The following GALNTL6 variants were observed in gnomAD, a reference collection of about 807,000 sequenced individuals.
The protein encoded by GALNTL6 is polypeptide N-acetylgalactosaminyltransferase like 6, also known as polypeptide N-acetylgalactosaminyltransferase-like 6.
In GALNTL6, 46 loss-of-function variants were observed where a neutral mutation model predicts 73.7. The ratio of observed to expected loss-of-function variants is 0.62; its 90% CI spans 0.49 to 0.80. The LOEUF is 0.80. Ranked by LOEUF, GALNTL6 falls within the 30% of genes least tolerant of loss-of-function variation. GALNTL6 has a pLI of 0.00. For synonymous variants in GALNTL6, 259 were observed against 263.7 expected (o/e 0.98, Z 0.17); for missense variants, 604 against 755.0 (o/e 0.80, Z 2.34).
At chr4:172,132,800 C>A (rs964156433) in intron 2 of GALNTL6, among the ~76,000 whole-genome samples, 5 of 152,116 alleles carry the variant, frequency 3.3e-5, no homozygotes, top group African/African-American at 1.2e-4. Flanking sequence ...AGAAAAAAAT[C>A]TTACTCTTAT....
At chr4:172,392,532 C>G (rs533472467) in intron 5 of GALNTL6, among the ~76,000 whole-genome samples, 1 of 151,284 alleles carries the variant, frequency 6.6e-6, no homozygotes, top group South Asian at 2.1e-4. Context: ...CTCGGTCTCC[C>G]AAAGTACTGG....
At chr4:172,394,644 C>T (rs1249885275) in intron 5 of GALNTL6, among the ~76,000 whole-genome samples, 1 of 151,920 alleles carries the variant, frequency 6.6e-6, no homozygotes, top group Non-Finnish European at 1.5e-5. Flanking sequence ...GTTGGCCAGG[C>T]TGGTCTCGAA....
intron 2 of GALNTL6, among the ~76,000 whole-genome samples, chr4:171,880,985 C>T (rs1736430683): frequency 6.6e-6 from 1 of 151,994 alleles, no homozygotes; most frequent in Admixed American, 6.6e-5. Context: ...TGTGAACAAG[C>T]CAAAGCAGTT....
At chr4:172,401,341 A>AT (rs1030529450) in intron 5 of GALNTL6, among the ~76,000 whole-genome samples, 1 of 152,134 alleles carries the variant, frequency 6.6e-6, no homozygotes, top group African/African-American at 2.4e-5. Flanking sequence ...TATTAATATC[A>AT]TTTTTTAAAA....
chr4:172,584,893 T>G (rs1431263127), intron 5 of GALNTL6, among the ~76,000 whole-genome samples: 1 of 152,170 alleles, frequency 6.6e-6, no homozygotes, highest in Non-Finnish European at 1.5e-5. Context: ...ATGAAAGGGC[T>G]GTAGAGTGAA....
At chr4:172,515,441 A>T (rs931775402) in intron 5 of GALNTL6, among the ~76,000 whole-genome samples, 1 of 152,032 alleles carries the variant, frequency 6.6e-6, no homozygotes, top group African/African-American at 2.4e-5. Flanking sequence ...TGGTCTTGAG[A>T]TTTACACAGT....
At chr4:172,885,906 C>A (rs1282887145) in intron 8 of GALNTL6, among the ~76,000 whole-genome samples, 1 of 152,028 alleles carries the variant, frequency 6.6e-6, no homozygotes, top group Non-Finnish European at 1.5e-5. Flanking sequence ...GGGATGAAGC[C>A]CACTTGATTA....
chr4:172,953,608 C>T (rs1749567752), intron 10 of GALNTL6, among the ~76,000 whole-genome samples: 1 of 152,140 alleles, frequency 6.6e-6, no homozygotes, highest in African/African-American at 2.4e-5. Flanking sequence ...GTTCCAGATC[C>T]CTGTAGAAGA....
At chr4:172,283,657 C>A (rs1739140780) in intron 3 of GALNTL6, among the ~76,000 whole-genome samples, 1 of 151,934 alleles carries the variant, frequency 6.6e-6, no homozygotes, top group African/African-American at 2.4e-5. Context: ...TTTGGCAGAT[C>A]AATTTAATGC....
chr4:172,374,920 G>A (rs1013067156), intron 5 of GALNTL6, among the ~76,000 whole-genome samples: 1 of 152,230 alleles, frequency 6.6e-6, no homozygotes, highest in East Asian at 1.9e-4. Context: ...ACTTCCCCAG[G>A]TCTGCCTTGA....
At chr4:172,670,974 A>T (rs1731942542) in intron 5 of GALNTL6, among the ~76,000 whole-genome samples, 1 of 151,916 alleles carries the variant, frequency 6.6e-6, no homozygotes, top group Non-Finnish European at 1.5e-5. Context: ...GTGTGGCCTC[A>T]TTTCTGGGTT....
At chr4:172,079,710 T>C (rs933646744) in intron 2 of GALNTL6, among the ~76,000 whole-genome samples, 1 of 152,146 alleles carries the variant, frequency 6.6e-6, no homozygotes, top group Non-Finnish European at 1.5e-5. Flanking sequence ...CAAGTTCTTC[T>C]GTGTATTTGG....
Position 172,508,030 on chromosome 4 carries a change from G to A in GALNTL6, c.553+159341G>A, listed in dbSNP as rs1251059914. Among the ~76,000 whole-genome samples, 2 of 55,316 alleles carry A rather than the reference G, an allele frequency of 3.6e-5. 1 individual carries two copies. The highest frequency in any genetic ancestry group is 8.3e-5 in the Non-Finnish European group (2 of 23,958). 36.3% of individuals were successfully genotyped at this position (55,316 alleles called of 152,430 possible). A position where few individuals can be genotyped will look rare whatever the true frequency, so the allele number is the denominator to read the frequency against. On this transcript the variant is annotated intron_variant, in intron 5 of 12. Transcript: ENST00000506823. The stretch of plus-strand genomic sequence containing the variant: ...TGTTTTGTAGGAACAGCGGTACATG[G>A]AAAACGTTTTAGCATGGGGATAAAG...
intron 5 of GALNTL6, among the ~76,000 whole-genome samples, chr4:172,607,813 C>T (rs944939903): frequency 1.3e-5 from 2 of 151,882 alleles, no homozygotes; most frequent in Non-Finnish European, 2.9e-5. Flanking sequence ...TGGTATCTCA[C>T]TGTGGTTTTG....
At chr4:172,609,712 A>G (rs1385806628) in intron 5 of GALNTL6, among the ~76,000 whole-genome samples, 1 of 149,364 alleles carries the variant, frequency 6.7e-6, no homozygotes, top group African/African-American at 2.5e-5. Flanking sequence ...TCATGGAATA[A>G]GTTAAGGAGG....
intron 2 of GALNTL6, among the ~76,000 whole-genome samples, chr4:171,940,855 AT>A (rs1277317798): frequency 0.011 from 1,667 of 146,144 alleles, 36 homozygotes; most frequent in African/African-American, 0.038. Flanking sequence ...AAATAAATAA[AT>A]AAATAAATAT....
intron 5 of GALNTL6, among the ~76,000 whole-genome samples, chr4:172,606,589 TATACAC>T (rs1738283511): frequency 7.2e-6 from 1 of 138,728 alleles, no homozygotes; most frequent in Non-Finnish European, 1.5e-5. Flanking sequence ...TATGTATATA[TATACAC>T]ATATATACAT....
chr4:172,885,500 C>G (rs1745673237), intron 8 of GALNTL6, among the ~76,000 whole-genome samples: 1 of 152,154 alleles, frequency 6.6e-6, no homozygotes, highest in Non-Finnish European at 1.5e-5. Flanking sequence ...ATCATGTCAT[C>G]TGCAAAGATA....
intron 5 of GALNTL6, among the ~76,000 whole-genome samples, chr4:172,449,202 C>A (rs901275306): frequency 1.3e-5 from 2 of 152,130 alleles, no homozygotes; most frequent in Non-Finnish European, 2.9e-5. Flanking sequence ...AAGAAGTTCC[C>A]TAGAGCATTT....
Sources: gnomAD v4.1 joint callset for allele counts (sites outside exome capture counted in the v4.1 genomes callset) on GRCh38, gnomAD v4.1.1 for gene constraint, MANE v1.5 for transcripts, NCBI Gene and HGNC (gene_info 2026-07-23, HGNC 2026-07-21) for gene names.